The following MAL2 variants were observed in gnomAD, a reference collection of about 807,000 sequenced individuals.
MAL2 encodes protein MAL2.
MAL2 carries 17 observed loss-of-function variants against 18.1 expected under a neutral mutation model. The ratio of observed to expected loss-of-function variants is 0.94; its 90% CI spans 0.64 to 1.41. The LOEUF (loss-of-function observed/expected upper bound fraction) is 1.41. Ranked by LOEUF, MAL2 falls within the 40% of genes most tolerant of loss-of-function variation. The pLI, the probability that MAL2 is intolerant of heterozygous loss-of-function variation, is 0.00. For missense variants in MAL2, 222 were observed against 231.9 expected (o/e 0.96, Z 0.28); for synonymous variants, 102 against 102.3 (o/e 1.00, Z 0.02).
At chr8:119,240,057 T>G (rs547641502) in intron 2 of MAL2, 108 bp from the exon 3 acceptor site, 1 of 1,172,754 alleles carries the variant, frequency 8.5e-7, no homozygotes, top group African/African-American at 1.6e-5. Context: ...TAGTTAAGAT[T>G]GTTTAATTAA....
chr8:119,233,374 T>G (rs1817779394), intron 2 of MAL2, among the ~76,000 whole-genome samples: 1 of 152,018 alleles, frequency 6.6e-6, no homozygotes. Flanking sequence ...TCTAAAAAAT[T>G]AATGAATCCA....
intron 2 of MAL2, among the ~76,000 whole-genome samples, chr8:119,229,011 T>C (rs187059123): frequency 6.6e-6 from 1 of 152,288 alleles, no homozygotes; most frequent in African/African-American, 2.4e-5. Flanking sequence ...CTTGGGCCTT[T>C]CCATGGCCAC....
At chr8:119,239,167 T>G (rs1817989442) in intron 2 of MAL2, among the ~76,000 whole-genome samples, 1 of 151,860 alleles carries the variant, frequency 6.6e-6, no homozygotes, top group Non-Finnish European at 1.5e-5. Context: ...AAAAAACACA[T>G]GAAAAAATGC....
chr8:119,226,806 A>G (rs1817605895), intron 2 of MAL2, among the ~76,000 whole-genome samples: 1 of 152,148 alleles, frequency 6.6e-6, no homozygotes, highest in South Asian at 2.1e-4. Context: ...TAAGTCAGAA[A>G]CTCTGGGAGT....
intron 3 of MAL2, 65 bp from the exon 4 acceptor site, chr8:119,243,352 T>C: frequency 7.8e-7 from 1 of 1,288,608 alleles, no homozygotes; most frequent in Admixed American, 2.3e-5. Flanking sequence ...ATGGTTGTTC[T>C]TTAGGACACT....
intron 2 of MAL2, among the ~76,000 whole-genome samples, chr8:119,224,579 G>C (rs776502653): frequency 2.2e-4 from 34 of 151,912 alleles, no homozygotes; most frequent in East Asian, 3.9e-4. Flanking sequence ...GGGTACATGT[G>C]GTTTTTTATT....
At chr8:119,238,235 T>G (rs1456162269) in intron 2 of MAL2, among the ~76,000 whole-genome samples, 3 of 152,078 alleles carry the variant, frequency 2.0e-5, no homozygotes, top group Non-Finnish European at 4.4e-5. Context: ...ACAAGGGACA[T>G]GAAGGACCTC....
rs1361969076 is a variant in MAL2, at chr8:119,208,636, G to C, written c.132+32G>C. 3 of 1,282,516 alleles carry C rather than the reference G, an allele frequency of 2.3e-6. No homozygotes were observed. The highest frequency in any genetic ancestry group is 3.1e-5 in the African/African-American group (2 of 64,782). 79.4% of individuals were successfully genotyped at this position (1,282,516 alleles called of 1,614,324 possible). The stretch of plus-strand genomic sequence containing the variant: ...GGGGCCGCCGGAGCGAGGGTCGCGC[G>C]GGGAGCGAGGACAGGCGGCGGCATC... On this transcript the variant is annotated intron_variant, in intron 1 of 3. Coordinates refer to ENST00000614891, the MANE Select transcript of MAL2 (RefSeq NM_052886.3). This position sits in a 1 kb window ranked among gnomAD's most constrained non-coding sequence, Gnocchi z 4.3.
intron 3 of MAL2, 132 bp from the exon 4 acceptor site, chr8:119,243,285 T>A: frequency 3.6e-6 from 2 of 555,788 alleles, no homozygotes. Flanking sequence ...AAAAACAATG[T>A]AAAATATTTT....
At chr8:119,216,223 A>G (rs934128026) in intron 1 of MAL2, among the ~76,000 whole-genome samples, 1 of 152,168 alleles carries the variant, frequency 6.6e-6, no homozygotes. Context: ...TGTCCACCCA[A>G]TTTTATATGA....
At position 119,244,447 on chromosome 8, in the gene MAL2, G is replaced by C. The variant is rs1818111076; in HGVS notation, c.*959G>C. 1 of 152,142 alleles carries C rather than the reference G, an allele frequency of 6.6e-6. No individual in the cohort carries two copies. The highest frequency in any genetic ancestry group is 2.4e-5 in the African/African-American group (1 of 41,444). The allele number at this position is 152,142 out of a possible 1,614,324, so 9.4% of individuals were successfully genotyped here. A position where few individuals can be genotyped will look rare whatever the true frequency, so the allele number is the denominator to read the frequency against. ...GAGTGCTTAAAATGGGATCCCCAGA[G>C]ACCATTAACCAATACTGGAACTGGT... On this transcript the variant is annotated 3_prime_UTR_variant, in exon 4 of 4. Transcript: ENST00000614891.
chr8:119,222,576 C>T lies in MAL2; in HGVS notation c.303+819C>T, dbSNP rs192606386. 2.0e-5 allele frequency among the ~76,000 whole-genome samples: 3 copies of T among 151,442 alleles called. No individual in the cohort carries two copies. In the East Asian group the frequency reaches 5.8e-4, roughly 29 times the overall value. ...AGTGCAGTGGCTCATGCCTATAGTC[C>T]CAGGACTTTGGGAAGCTGAGGCAGG... is the stretch of plus-strand genomic sequence containing the variant. On this transcript the variant is annotated intron_variant, in intron 2 of 3. Coordinates refer to ENST00000614891, the MANE Select transcript of MAL2 (RefSeq NM_052886.3).
At chr8:119,234,251 C>A (rs562090927) in intron 2 of MAL2, among the ~76,000 whole-genome samples, 1 of 152,106 alleles carries the variant, frequency 6.6e-6, no homozygotes, top group Non-Finnish European at 1.5e-5. Flanking sequence ...CTTTTCAGAC[C>A]GGCTTAAAAA....
At chr8:119,223,190 T>C (rs1184097957) in intron 2 of MAL2, 1 of 152,218 alleles carries the variant, frequency 6.6e-6, no homozygotes, top group Non-Finnish European at 1.5e-5. Context: ...CTAAATGTTA[T>C]TAGTGGTGAA....
Position 119,240,292 on chromosome 8 carries a change from A to G in MAL2, c.431A>G (p.Asn144Ser). 1 of 1,613,668 alleles carries G rather than the reference A, an allele frequency of 6.2e-7. No homozygotes were observed. Residue 144 changes from asparagine (N) to serine (S), a missense_variant, in exon 3 of 4, where the codon AAC (asparagine) becomes AGC (serine). Coordinates refer to ENST00000614891, the MANE Select transcript of MAL2 (RefSeq NM_052886.3). ...ACCGGGCAGCCACTCCTGAGTGATA[A>G]CCAGTATAACATAAACGTAGCAGCC... The part of the protein sequence containing the change: ...TITGQPLLSD[N>S]QYNINVAASI...
Position 119,243,511 on chromosome 8 carries a change from G to A in MAL2, c.*23G>A, listed in dbSNP as rs376933556. ...TAACACTCCTTAGAAACTGGCAGTC[G>A]TATGTTAGTTTCACTTGTCTACTTT... is the stretch of plus-strand genomic sequence containing the variant. On this transcript the variant is annotated 3_prime_UTR_variant, in exon 4 of 4. Transcript: ENST00000614891. The A allele has an allele frequency of 1.3e-4, 199 of 1,562,250 alleles. 3 individuals are homozygous for A. The South Asian group carries it at 2.0e-3, about 15-fold the overall frequency.
intron 1 of MAL2, among the ~76,000 whole-genome samples, chr8:119,219,523 GTGTGT>G (rs1817425852): frequency 0.013 from 14 of 1,076 alleles, no homozygotes; most frequent in Admixed American, 0.032. Context: ...CTCCCTGGGT[GTGTGT>G]GTGTGTGTGT....
At chr8:119,229,344 G>A (rs934037673) in intron 2 of MAL2, among the ~76,000 whole-genome samples, 3 of 130,838 alleles carry the variant, frequency 2.3e-5, no homozygotes, top group Non-Finnish European at 3.1e-5. Context: ...ACAGAGTCTT[G>A]CTCTATTGCC....
chr8:119,218,139 C>G (rs967311766), intron 1 of MAL2, among the ~76,000 whole-genome samples: 2 of 152,126 alleles, frequency 1.3e-5, no homozygotes, highest in African/African-American at 4.8e-5. Flanking sequence ...CCCATCCTCT[C>G]TCTTCCAAAG....
Sources: gnomAD v4.1 joint callset for allele counts (sites outside exome capture counted in the v4.1 genomes callset) on GRCh38, gnomAD v4.1.1 for gene constraint, Gnocchi (gnomAD v3.1) non-coding constraint, MANE v1.5 for transcripts, NCBI Gene and HGNC (gene_info 2026-07-23, HGNC 2026-07-21) for gene names.